Variants in CNTNAP3 observed in about 807,000 individuals in gnomAD.
The protein encoded by CNTNAP3 is contactin associated protein family member 3.
CNTNAP3 carries 36 observed loss-of-function variants against 92.1 expected under a neutral mutation model. The observed-to-expected ratio is 0.39, with a 90% CI of 0.30 to 0.52. The LOEUF (loss-of-function observed/expected upper bound fraction) is 0.52, where lower values mean the gene tolerates loss of function less well. Ranked by LOEUF, CNTNAP3 falls within the 20% of genes least tolerant of loss-of-function variation. CNTNAP3 has a pLI of 0.76. For synonymous variants in CNTNAP3, 232 were observed against 422.3 expected, an observed-to-expected ratio of 0.55 and a Z score of 5.53; for missense variants, 534 against 1,069.6, an observed-to-expected ratio of 0.50 and a Z score of 6.98.
At chr9:39,146,606 A>G (rs2118121593) in intron 10 of CNTNAP3, among the ~76,000 whole-genome samples, 1 of 152,238 alleles carries the variant, frequency 6.6e-6, no homozygotes, top group East Asian at 1.9e-4. Flanking sequence ...CGAGAATGGC[A>G]TGAACCCAGG....
chr9:39,127,418 A>G (rs1460946568), intron 13 of CNTNAP3, among the ~76,000 whole-genome samples: 4 of 152,088 alleles, frequency 2.6e-5, no homozygotes, highest in African/African-American at 9.7e-5. Flanking sequence ...GAAGGAGATA[A>G]CAAAGAGAAG....
intron 13 of CNTNAP3, among the ~76,000 whole-genome samples, chr9:39,127,851 A>G (rs1355991928): frequency 6.6e-6 from 1 of 151,570 alleles, no homozygotes; most frequent in African/African-American, 2.4e-5. Context: ...TTTGGTTTTT[A>G]TTTTTGAGAT....
In CNTNAP3 at chr9:39,140,430, A is replaced by G. The variant is rs1587728625; in HGVS notation, c.1876+89T>C. On this transcript the variant is annotated intron_variant, in intron 12 of 23. Coordinates refer to ENST00000297668, the MANE Select transcript of CNTNAP3 (RefSeq NM_033655.5). Reference sequence around the variant, plus strand: ...TGCTTCTACTTAGCAAGTACACACTATCAAACTGCATGTTTTAATAATGCT... The same window carrying G: ...TGCTTCTACTTAGCAAGTACACACTGTCAAACTGCATGTTTTAATAATGCT... 121 of 1,553,280 alleles carry G rather than the reference A, an allele frequency of 7.8e-5. 1 individual carries two copies. The South Asian group carries it at 1.4e-3, about 19-fold the overall frequency.
intron 10 of CNTNAP3, among the ~76,000 whole-genome samples, chr9:39,146,065 A>C (rs1423040532): frequency 2.6e-5 from 4 of 152,120 alleles, no homozygotes; most frequent in Non-Finnish European, 5.9e-5. Flanking sequence ...AATAAGAACT[A>C]TTTAAGTGAT....
At position 39,067,435 on chromosome 9, in the gene CNTNAP3, T is replaced by C. The variant is rs1347756957; in HGVS notation, c.*6455A>G. Among the ~76,000 whole-genome samples, 1 of 152,310 alleles carries C rather than the reference T, an allele frequency of 6.6e-6. No individual in the cohort carries two copies. Among genetic ancestry groups the C allele is most frequent in the Admixed American group, 6.5e-5 (1 of 15,294 alleles). ...TTTTTTTTGATGGAGTCTGGCTCTG[T>C]TGCCCAGGCTGGAGTGCAATGGCGC... On this transcript the variant is annotated 3_prime_UTR_variant, in exon 24 of 24. Coordinates refer to ENST00000297668, the MANE Select transcript of CNTNAP3 (RefSeq NM_033655.5).
rs1352986823 is a variant in CNTNAP3, at chr9:39,068,795, T to C, written c.*5095A>G. Among the ~76,000 whole-genome samples the C allele has an allele frequency of 3.9e-5, 6 of 152,302 alleles. No individual in the cohort carries two copies. Among genetic ancestry groups the C allele is most frequent in the African/African-American group, 9.6e-5 (4 of 41,478 alleles). On this transcript the variant is annotated 3_prime_UTR_variant, in exon 24 of 24. Coordinates refer to ENST00000297668, the MANE Select transcript of CNTNAP3 (RefSeq NM_033655.5). ...CACTGCTGTCTCAAATTCTCTCAAG[T>C]TGTAAGCTGGGATACTCACAGCACA... is the stretch of plus-strand genomic sequence containing the variant.
At chr9:39,137,578 T>C (rs529732768) in intron 12 of CNTNAP3, among the ~76,000 whole-genome samples, 92 of 152,232 alleles carry the variant, frequency 6.0e-4, no homozygotes, top group African/African-American at 2.1e-3. Flanking sequence ...AGTGGCATGA[T>C]CTCAGCTCAC....
At chr9:39,090,032 T>G (rs558869992) in intron 18 of CNTNAP3, among the ~76,000 whole-genome samples, 81 of 152,232 alleles carry the variant, frequency 5.3e-4, no homozygotes, top group Non-Finnish European at 8.1e-4. Context: ...CTCTGCCTCC[T>G]GGGTTCACAC....
At chr9:39,164,907 A>ATT (rs1436297513) in intron 9 of CNTNAP3, among the ~76,000 whole-genome samples, 1 of 148,546 alleles carries the variant, frequency 6.7e-6, no homozygotes, top group African/African-American at 2.5e-5. Flanking sequence ...TTCCTTTATA[A>ATT]TCAAAAGATC....
chr9:39,065,519 G>A lies in CNTNAP3; in HGVS notation c.*8371C>T, dbSNP rs1181554029. Reference sequence around the variant, plus strand: ...GGAATTGTTGGGTCATAGGTTTCATGTATGCTTAATTATATAAAACAATGT... The same window carrying A: ...GGAATTGTTGGGTCATAGGTTTCATATATGCTTAATTATATAAAACAATGT... On this transcript the variant is annotated 3_prime_UTR_variant, in exon 24 of 24. Coordinates refer to ENST00000297668, the MANE Select transcript of CNTNAP3 (RefSeq NM_033655.5). Among the ~76,000 whole-genome samples, 1 of 151,080 alleles carries A rather than the reference G, an allele frequency of 6.6e-6. No homozygotes were observed. Among genetic ancestry groups the A allele is most frequent in the Non-Finnish European group, 1.5e-5 (1 of 67,832 alleles).
At chr9:39,103,538 T>C (rs1421616557) in intron 16 of CNTNAP3, 4 of 535,926 alleles carry the variant, frequency 7.5e-6, no homozygotes, top group Non-Finnish European at 1.3e-5. Flanking sequence ...GCCAAGATAA[T>C]GCCACTGCAC....
intron 14 of CNTNAP3, among the ~76,000 whole-genome samples, chr9:39,109,929 CATT>C (rs1353149554): frequency 1.3e-5 from 2 of 152,170 alleles, no homozygotes; most frequent in African/African-American, 4.8e-5. Context: ...ATTAATTTAT[CATT>C]ATTTTTTAAA....
intron 14 of CNTNAP3, among the ~76,000 whole-genome samples, chr9:39,112,529 C>A (rs1007642286): frequency 7.9e-5 from 12 of 152,066 alleles, no homozygotes; most frequent in African/African-American, 2.7e-4. Flanking sequence ...CTATGCTCAG[C>A]TAATTTTTGT....
At chr9:39,121,578 G>A (rs1406826266) in intron 13 of CNTNAP3, among the ~76,000 whole-genome samples, 1 of 152,194 alleles carries the variant, frequency 6.6e-6, no homozygotes, top group Admixed American at 6.5e-5. Flanking sequence ...AGCTAATGGA[G>A]CCAAAGCAGA....
At chr9:39,130,098 A>G (rs146363910) in intron 13 of CNTNAP3, among the ~76,000 whole-genome samples, 2,078 of 152,300 alleles carry the variant, frequency 0.014, 46 homozygotes, top group African/African-American at 0.047. Context: ...TATAAAACTA[A>G]GTATGCAATT....
At chr9:39,099,390 T>C (rs1056609354) in intron 18 of CNTNAP3, among the ~76,000 whole-genome samples, 1 of 152,166 alleles carries the variant, frequency 6.6e-6, no homozygotes, top group Admixed American at 6.6e-5. Context: ...TAAATATTAT[T>C]TTCCCCTTCT....
rs1160668948 is a variant in CNTNAP3, at chr9:39,264,214, GATAAATAA to G, written c.196+2674_196+2681del. Reference sequence around the variant, plus strand: ...TGGCAACACAGCAAGACTCCATCTCGATAAATAAATAAATAAATAAATAAATAAATAAA... The same window carrying G: ...TGGCAACACAGCAAGACTCCATCTCGATAAATAAATAAATAAATAAATAAA... On this transcript the variant is annotated intron_variant, in intron 2 of 23. Coordinates refer to ENST00000297668, the MANE Select transcript of CNTNAP3 (RefSeq NM_033655.5). Among the ~76,000 whole-genome samples the G allele has an allele frequency of 4.3e-3, 21 of 4,908 alleles. 7 individuals carry two copies. The highest frequency in any genetic ancestry group is 0.013 in the Non-Finnish European group (12 of 946). The allele number at this position is 4,908 out of a possible 152,430, so 3.2% of individuals were successfully genotyped here.
chr9:39,134,189 T>A (rs1821370959), intron 12 of CNTNAP3, among the ~76,000 whole-genome samples: 1 of 152,178 alleles, frequency 6.6e-6, no homozygotes, highest in Non-Finnish European at 1.5e-5. Flanking sequence ...CCAGCCATGC[T>A]ACTGAAATAT....
chr9:39,084,050 T>C (rs1265074236), intron 21 of CNTNAP3, among the ~76,000 whole-genome samples: 3 of 152,096 alleles, frequency 2.0e-5, no homozygotes, highest in Non-Finnish European at 2.9e-5. Context: ...TTAGGCTGGA[T>C]ATGAGCATTA....
Sources: gnomAD v4.1 joint callset for allele counts (sites outside exome capture counted in the v4.1 genomes callset) on GRCh38, gnomAD v4.1.1 for gene constraint, MANE v1.5 for transcripts, NCBI Gene and HGNC (gene_info 2026-07-23, HGNC 2026-07-21) for gene names.